FARS2: variants seen among roughly 807,000 people sequenced by gnomAD.
The protein encoded by FARS2 is phenylalanine--tRNA ligase, mitochondrial.
Under a neutral mutation model 46.4 loss-of-function variants are expected in FARS2, and 40 were observed. The observed-to-expected ratio is 0.86, with a 90% CI of 0.67 to 1.12. FARS2 has a LOEUF of 1.12. Among genes scored for constraint, FARS2 ranks in the 50% most tolerant of loss-of-function variants. FARS2 has a pLI of 0.00. For missense variants in FARS2, 513 were observed against 567.9 expected (o/e 0.90, Z 0.98); for synonymous variants, 234 against 214.9 (o/e 1.09, Z -0.78).
intron 1 of FARS2, among the ~76,000 whole-genome samples, chr6:5,292,780 A>G (rs184388008): frequency 8.5e-5 from 13 of 152,324 alleles, no homozygotes; most frequent in Admixed American, 8.5e-4. Flanking sequence ...ATTCAAGCCT[A>G]TTATATTTGT....
intron 1 of FARS2, among the ~76,000 whole-genome samples, chr6:5,321,034 A>G (rs865859882): frequency 3.9e-5 from 6 of 152,198 alleles, no homozygotes; most frequent in Non-Finnish European, 7.3e-5. Context: ...TCTCTCAACT[A>G]TATTGGAAAT....
chr6:5,373,897 T>G (rs763176267), intron 2 of FARS2, among the ~76,000 whole-genome samples: 14 of 152,070 alleles, frequency 9.2e-5, no homozygotes, highest in Non-Finnish European at 1.6e-4. Context: ...TCACAATGTG[T>G]AGATCCTATT....
chr6:5,378,866 A>G (rs1403169371), intron 2 of FARS2, among the ~76,000 whole-genome samples: 2 of 152,248 alleles, frequency 1.3e-5, no homozygotes, highest in Admixed American at 1.3e-4. Context: ...GCAACTGGTC[A>G]TAGTGAGGAG....
At chr6:5,391,923 G>A (rs1006851874) in intron 2 of FARS2, among the ~76,000 whole-genome samples, 9 of 152,144 alleles carry the variant, frequency 5.9e-5, no homozygotes, top group African/African-American at 2.2e-4. Context: ...GTTGTAGTTG[G>A]GGTTGAATTT....
intron 6 of FARS2, among the ~76,000 whole-genome samples, chr6:5,622,739 G>A (rs1188474065): frequency 6.6e-6 from 1 of 152,174 alleles, no homozygotes; most frequent in Non-Finnish European, 1.5e-5. Context: ...CTTGATCTTC[G>A]ACTTCCCAGC....
chr6:5,336,004 C>G (rs1160680223), intron 1 of FARS2, among the ~76,000 whole-genome samples: 1 of 152,108 alleles, frequency 6.6e-6, no homozygotes, highest in East Asian at 1.9e-4. Flanking sequence ...TGAGGTGCCT[C>G]CCCACTTGCC....
intron 3 of FARS2, among the ~76,000 whole-genome samples, chr6:5,415,113 G>A (rs888128894): frequency 6.7e-6 from 1 of 149,522 alleles, no homozygotes; most frequent in Admixed American, 6.6e-5. Flanking sequence ...CACCGCACCC[G>A]GCCATGACTA....
intron 6 of FARS2, among the ~76,000 whole-genome samples, chr6:5,762,274 C>T (rs1042588901): frequency 1.3e-4 from 20 of 152,166 alleles, no homozygotes; most frequent in African/African-American, 4.6e-4. Context: ...CCTTCAAAAA[C>T]TCTTGTTAGT....
rs1476781297 is a variant in FARS2, at chr6:5,587,494, C to T, written c.1066-25675C>T. 2.0e-5 allele frequency among the ~76,000 whole-genome samples: 3 copies of T among 152,168 alleles called. No homozygotes were observed. In the East Asian group the frequency reaches 5.8e-4, roughly 29 times the overall value. ...ATCCACGTTGCTCAACCCATAATTA[C>T]AAGTTTTCATTCATCTTGCTTTAGA... On this transcript the variant is annotated intron_variant, in intron 5 of 6. Coordinates refer to ENST00000274680, the MANE Select transcript of FARS2 (RefSeq NM_006567.5).
chr6:5,668,117 A>G (rs555649806), intron 6 of FARS2: 1 of 152,360 alleles, frequency 6.6e-6, no homozygotes, highest in South Asian at 2.1e-4. Flanking sequence ...GGTAGGTCTG[A>G]AAACAGATGA....
At chr6:5,438,382 T>A (rs2432764) in intron 4 of FARS2, among the ~76,000 whole-genome samples, 136,499 of 150,188 alleles carry the variant, frequency 0.91, 62,251 homozygotes, top group African/African-American at 0.98. Context: ...TTTTTTTTTT[T>A]AATCTTTGTC....
intron 6 of FARS2, among the ~76,000 whole-genome samples, chr6:5,614,398 T>C (rs1561753240): frequency 6.6e-6 from 1 of 150,926 alleles, no homozygotes; most frequent in Non-Finnish European, 1.5e-5. Flanking sequence ...CTCCCACCTG[T>C]TTCCTTCTTT....
chr6:5,688,264 T>C (rs1431231351), intron 6 of FARS2, among the ~76,000 whole-genome samples: 2 of 152,200 alleles, frequency 1.3e-5, no homozygotes, highest in African/African-American at 2.4e-5. Context: ...GGAGAGGGCA[T>C]CCCTGTCTTG....
chr6:5,614,291 C>T (rs1449949177), intron 6 of FARS2, among the ~76,000 whole-genome samples: 1 of 152,184 alleles, frequency 6.6e-6, no homozygotes, highest in Non-Finnish European at 1.5e-5. Context: ...CTGTCTAATT[C>T]ACACCTCCAT....
At position 5,726,170 on chromosome 6, in the gene FARS2, CT is replaced by C. The variant is rs59078137; in HGVS notation, c.1218-45110del. 6.6e-3 allele frequency among the ~76,000 whole-genome samples: 974 copies of C among 148,016 alleles called. 7 individuals carry two copies. The highest frequency in any genetic ancestry group is 0.021 in the African/African-American group (865 of 40,558). On this transcript the variant is annotated intron_variant, in intron 6 of 6. Coordinates refer to ENST00000274680, the MANE Select transcript of FARS2 (RefSeq NM_006567.5). ...CTGGCTCTTTTTTTCTTTTTAGAAT[CT>C]TTTTTTTTTTAATCCTCACTTGGGA...
In FARS2 at chr6:5,289,901, C is replaced by T. The variant is rs146233430; in HGVS notation, c.-22+28241C>T. ...GTCAGTGTGAATTGGCCTTAGGTTC[C>T]CTGCCTCCAAACCCTATTCTCCTGC... On this transcript the variant is annotated intron_variant, in intron 1 of 6. Transcript: ENST00000274680. Among the ~76,000 whole-genome samples the T allele has an allele frequency of 3.7e-3, 563 of 152,202 alleles. 3 individuals are homozygous for T. Among genetic ancestry groups the T allele is most frequent in the Middle Eastern group, 0.014 (4 of 294 alleles).
At chr6:5,256,225 C>A (rs368713224), upstream of FARS2, among the ~76,000 whole-genome samples, 18 of 152,094 alleles carry the variant, frequency 1.2e-4, no homozygotes, top group African/African-American at 4.1e-4. Flanking sequence ...CGCGGTGGCT[C>A]ATGCCTGTAA....
chr6:5,429,969 A>G (rs1195854822), intron 3 of FARS2, among the ~76,000 whole-genome samples: 1 of 151,986 alleles, frequency 6.6e-6, no homozygotes, highest in Non-Finnish European at 1.5e-5. Context: ...ATGGGTTGGT[A>G]GAAGCATAGT....
intron 6 of FARS2, among the ~76,000 whole-genome samples, chr6:5,644,652 G>A (rs780079372): frequency 4.6e-5 from 7 of 152,194 alleles, no homozygotes; most frequent in East Asian, 1.9e-4. Flanking sequence ...GAGTCACCTC[G>A]AAAACATTCT....
Sources: gnomAD v4.1 joint callset for allele counts (sites outside exome capture counted in the v4.1 genomes callset) on GRCh38, gnomAD v4.1.1 for gene constraint, MANE v1.5 for transcripts, NCBI Gene and HGNC (gene_info 2026-07-23, HGNC 2026-07-21) for gene names.